The following GPC3 variants were observed in gnomAD, a reference collection of about 807,000 sequenced individuals.
The protein encoded by GPC3 is glypican-3.
In GPC3, 3 loss-of-function variants were observed where a neutral mutation model predicts 34.4. The observed-to-expected ratio is 0.09, with a 90% CI of 0.04 to 0.23. The LOEUF (loss-of-function observed/expected upper bound fraction) is 0.23. GPC3 is among the 10% of genes least tolerant of loss of function. The pLI, the probability that GPC3 is intolerant of heterozygous loss-of-function variation, is 1.00. For synonymous variants in GPC3, 177 were observed against 174.0 expected (o/e 1.02, Z -0.13); for missense variants, 351 against 445.6 (o/e 0.79, Z 1.91).
rs760883795 is a variant in GPC3 at position 133,901,082 on chromosome X, G to A, written c.337+51968C>T. On this transcript the variant is annotated intron_variant, in intron 2 of 7. Transcript: ENST00000370818. ...ATAATAAAAATAATGTTGTATTTCT[G>A]GTTAATACGACAGCATGCCACTATA... Among the ~76,000 whole-genome samples the A allele has an allele frequency of 6.3e-5, 7 of 111,289 alleles. No individual in the cohort carries two copies. In the East Asian group the frequency reaches 2.0e-3, roughly 31 times the overall value.
intron 5 of GPC3, among the ~76,000 whole-genome samples, chrX:133,663,752 T>A (rs1053342922): frequency 1.7e-4 from 19 of 111,544 alleles, no homozygotes; most frequent in African/African-American, 5.5e-4. Flanking sequence ...AAACACTCCT[T>A]AGAAACACTA....
At chrX:133,930,454 T>C (rs973367592) in intron 2 of GPC3, among the ~76,000 whole-genome samples, 1 of 112,108 alleles carries the variant, frequency 8.9e-6, no homozygotes, top group Admixed American at 9.4e-5. Context: ...TTGGTTTTCC[T>C]ACTTGGAAAA....
At chrX:133,918,300 T>C (rs1472279447) in intron 2 of GPC3, among the ~76,000 whole-genome samples, 1 of 112,139 alleles carries the variant, frequency 8.9e-6, no homozygotes, top group African/African-American at 3.2e-5. Context: ...GCCAAATTGA[T>C]TTTGCATCAG....
At chrX:133,914,946 T>A (rs1346358952) in intron 2 of GPC3, among the ~76,000 whole-genome samples, 2 of 54,585 alleles carry the variant, frequency 3.7e-5, no homozygotes, top group African/African-American at 1.4e-4. Context: ...AAACTGGAAA[T>A]ATATATATAT....
intron 2 of GPC3, among the ~76,000 whole-genome samples, chrX:133,843,476 G>A (rs1864658299): frequency 9.0e-6 from 1 of 111,484 alleles, no homozygotes; most frequent in African/African-American, 3.3e-5. Flanking sequence ...CTCACCAGAA[G>A]CAAATCCCAG....
rs1356811422 is a variant in GPC3 at position 133,735,908 on chromosome X, A to G, written c.1032+17574T>C. On this transcript the variant is annotated intron_variant, in intron 3 of 7. Transcript: ENST00000370818. ...AGCCCAGGAGTTTGAGGCTGCAGTG[A>G]GATGTGATCACACCACTGCATTCTA... Among the ~76,000 whole-genome samples, 5 of 108,653 alleles carry G rather than the reference A, an allele frequency of 4.6e-5. No individual in the cohort carries two copies. In the East Asian group the frequency reaches 1.4e-3, roughly 31 times the overall value. The allele number at this position is 108,653 out of a possible 115,157, so 94.4% of individuals were successfully genotyped here. A position where few individuals can be genotyped will look rare whatever the true frequency, so the allele number is the denominator to read the frequency against.
At chrX:133,632,202 T>G (rs746660290) in intron 6 of GPC3, among the ~76,000 whole-genome samples, 1 of 111,741 alleles carries the variant, frequency 8.9e-6, no homozygotes, top group East Asian at 2.8e-4. Flanking sequence ...TGGGTTCAAC[T>G]GATTCTCATG....
At chrX:133,985,226 G>A (rs1202646491) in intron 1 of GPC3, 49 bp downstream of exon 1, 4 of 1,181,599 alleles carry the variant, frequency 3.4e-6, no homozygotes, top group Non-Finnish European at 4.6e-6. Context: ...CACCACGCGC[G>A]CCTTGCTCCC....
chrX:133,691,446 C>A (rs1430746846), intron 5 of GPC3, among the ~76,000 whole-genome samples: 2 of 109,294 alleles, frequency 1.8e-5, no homozygotes, highest in Admixed American at 9.7e-5. Flanking sequence ...TTGCAGTGAG[C>A]CAAGATCGCA....
chrX:133,694,386 C>G (rs2071093652), intron 4 of GPC3, among the ~76,000 whole-genome samples: 1 of 110,904 alleles, frequency 9.0e-6, no homozygotes, highest in Non-Finnish European at 1.9e-5. Context: ...TGAGCACCAT[C>G]AATCTCCAAA....
intron 2 of GPC3, among the ~76,000 whole-genome samples, chrX:133,881,471 T>C (rs142973196): frequency 0.014 from 1,621 of 112,491 alleles, 36 homozygotes; most frequent in African/African-American, 0.05. Context: ...TTTCATTAAA[T>C]TTAATTTACC....
chrX:133,857,013 A>G (rs1189780864), intron 2 of GPC3, among the ~76,000 whole-genome samples: 1 of 110,814 alleles, frequency 9.0e-6, no homozygotes, highest in African/African-American at 3.3e-5. Flanking sequence ...AAAGATATAC[A>G]GCAAGTGGTA....
At position 133,959,408 on chromosome X, in the gene GPC3, C is replaced by T. The variant is rs750870826; in HGVS notation, c.176-6197G>A. On this transcript the variant is annotated intron_variant, in intron 1 of 7. Coordinates refer to ENST00000370818, the MANE Select transcript of GPC3 (RefSeq NM_004484.4). Reference sequence around the variant, plus strand: ...AGGAAAGCCAACAGTGTGTATAGGGCTGTTTCAATGTGTCAGTTCTATTGG... The same window carrying T: ...AGGAAAGCCAACAGTGTGTATAGGGTTGTTTCAATGTGTCAGTTCTATTGG... Among the ~76,000 whole-genome samples, 6 of 112,383 alleles carry T rather than the reference C, an allele frequency of 5.3e-5. No individual in the cohort carries two copies. In the East Asian group the frequency reaches 1.1e-3, roughly 21 times the overall value.
intron 6 of GPC3, among the ~76,000 whole-genome samples, chrX:133,608,072 C>T (rs2070069170): frequency 8.9e-6 from 1 of 112,521 alleles, no homozygotes; most frequent in Non-Finnish European, 1.9e-5. Flanking sequence ...CCAAAAGCCC[C>T]ACACAGTCCA....
At chrX:133,717,334 T>C (rs768382205) in intron 3 of GPC3, among the ~76,000 whole-genome samples, 21 of 111,040 alleles carry the variant, frequency 1.9e-4, no homozygotes, top group Non-Finnish European at 3.6e-4. Flanking sequence ...ACCCCTCATA[T>C]TGTCTTATGC....
intron 7 of GPC3, among the ~76,000 whole-genome samples, chrX:133,585,095 C>G (rs958697281): frequency 4.5e-5 from 5 of 111,887 alleles, no homozygotes; most frequent in African/African-American, 1.6e-4. Context: ...ATTAACCACA[C>G]AAAAACTTGC....
chrX:133,867,057 GC>G (rs1232050215), intron 2 of GPC3, among the ~76,000 whole-genome samples: 1 of 110,370 alleles, frequency 9.1e-6, no homozygotes, highest in Non-Finnish European at 1.9e-5. Context: ...AATTAGCTGG[GC>G]ATGGTGGTGC....
At chrX:133,964,341 G>A (rs1440115050) in intron 1 of GPC3, among the ~76,000 whole-genome samples, 2 of 112,156 alleles carry the variant, frequency 1.8e-5, no homozygotes, top group Admixed American at 1.9e-4. Flanking sequence ...CAGGTGGAAA[G>A]CTGCAGTAGA....
At chrX:133,571,645 C>T (rs2069633306) in intron 7 of GPC3, among the ~76,000 whole-genome samples, 1 of 112,080 alleles carries the variant, frequency 8.9e-6, no homozygotes, top group African/African-American at 3.2e-5. Context: ...GACAGTCTAA[C>T]AAACCACCCT....
Sources: allele counts gnomAD v4.1 joint callset (sites outside exome capture counted in the v4.1 genomes callset), GRCh38; gene constraint gnomAD v4.1.1; transcripts MANE v1.5; gene names NCBI Gene and HGNC (gene_info 2026-07-23, HGNC 2026-07-21).